ACSS1: variants seen among roughly 807,000 people sequenced by gnomAD.
ACSS1 encodes acetyl-coenzyme A synthetase 2-like, mitochondrial.
Under a neutral mutation model 75.3 loss-of-function variants are expected in ACSS1, and 42 were observed. The ratio of observed to expected loss-of-function variants is 0.56; its 90% CI spans 0.44 to 0.72. The LOEUF (loss-of-function observed/expected upper bound fraction) is 0.72, where lower values mean the gene tolerates loss of function less well. Ranked by LOEUF, ACSS1 falls within the 30% of genes least tolerant of loss-of-function variation. ACSS1 has a pLI of 0.00. For missense variants in ACSS1, 782 were observed against 935.7 expected, an observed-to-expected ratio of 0.84 and a Z score of 2.14; for synonymous variants, 380 against 376.8, an observed-to-expected ratio of 1.01 and a Z score of -0.10.
intron 2 of ACSS1, among the ~76,000 whole-genome samples, chr20:25,040,141 C>T (rs1208530399): frequency 1.3e-5 from 2 of 152,210 alleles, no homozygotes; most frequent in African/African-American, 2.4e-5. Flanking sequence ...CATTCACTTT[C>T]CCCTGTGGTT....
chr20:25,046,536 G>A (rs913423086), intron 2 of ACSS1: 17 of 479,058 alleles, frequency 3.5e-5, no homozygotes, highest in East Asian at 1.2e-4. Context: ...CTGGCCCTTC[G>A]GGGAGTGCCA....
rs1034106124 is a variant in ACSS1, at chr20:25,009,446, G to A, written c.1772-58C>T. The stretch of plus-strand genomic sequence containing the variant: ...AATACTAGACAAGGAGCCAACTCCC[G>A]AGGCAGGGTGCTATGCACAGACTGC... On this transcript the variant is annotated intron_variant, in intron 12 of 13. Transcript: ENST00000323482. 7 of 1,413,396 alleles carry A rather than the reference G, an allele frequency of 5.0e-6. No individual in the cohort carries two copies. The South Asian group carries it at 5.8e-5, about 12-fold the overall frequency. 87.6% of individuals were successfully genotyped at this position (1,413,396 alleles called of 1,614,324 possible).
At chr20:25,016,690 C>T (rs911797805) in intron 7 of ACSS1, among the ~76,000 whole-genome samples, 2 of 152,246 alleles carry the variant, frequency 1.3e-5, no homozygotes, top group Non-Finnish European at 2.9e-5. Flanking sequence ...GGAGATGCCC[C>T]GCAGCGCTGG....
rs759044380 is a variant in ACSS1, at chr20:25,013,563, C to A, written c.1552G>T (p.Val518Leu). The A allele has an allele frequency of 1.5e-5, 24 of 1,605,708 alleles. No homozygotes were observed. Among genetic ancestry groups the A allele is most frequent in the Non-Finnish European group, 2.0e-5 (24 of 1,173,190 alleles). ...GGGTAGGCCTTGAAGTAGGCGTCCACAAATCGCTGGTGGTCGCCATAGATG... is the reference window on the plus strand; with the variant it reads ...GGGTAGGCCTTGAAGTAGGCGTCCAAAAATCGCTGGTGGTCGCCATAGATG... The part of the protein sequence containing the change: ...RTIYGDHQRF[V>L]DAYFKAYPGY... The change falls in exon 10 of 14, where the codon GTG (valine) becomes TTG (leucine). Residue 518 changes from valine to leucine, a missense_variant. Val to Leu is a conservative substitution (Grantham distance 32). This residue lies in a region of ACSS1 where 405 missense variants were observed against 552.6 expected (regional missense o/e 0.73). Coordinates refer to ENST00000323482, the MANE Select transcript of ACSS1 (RefSeq NM_032501.4).
Position 25,014,025 on chromosome 20 carries a change from T to C in ACSS1, c.1388A>G (p.Glu463Gly). The change falls in exon 9 of 14, where the codon GAA (glutamate) becomes GGA (glycine). Residue 463 changes from glutamate (E) to glycine (G), a missense_variant. Transcript: ENST00000323482. ...CCTCATCGCCATGGCAGGGAGGATT[T>C]CCGCCCCTTCTTCCGAGGGCCGTGG... ...IAPRPSEEGA[E>G]ILPAMAMRPF... is the part of the protein sequence containing the mutation. The C allele has an allele frequency of 1.2e-6, 2 of 1,613,736 alleles. No individual in the cohort carries two copies. The highest frequency in any genetic ancestry group is 1.6e-4 in the Middle Eastern group (1 of 6,062).
rs190851026 is a variant in ACSS1 at position 25,057,935 on chromosome 20, G to A, written c.168C>T (p.Gly56=). Residue 56 remains glycine (G), a synonymous_variant, in exon 1 of 14, where the codon GGC becomes GGT. Transcript: ENST00000323482. ...PAVAAAAAQP[G]SYPALSAQAA... is the part of the protein sequence containing the mutation. ...CCTGTGCACTCAGCGCGGGATACGA[G>A]CCTGGCTGTGCTGCTGCTGCTGCAA... 2 of 1,607,064 alleles carry A rather than the reference G, an allele frequency of 1.2e-6. No homozygotes were observed. Among genetic ancestry groups the A allele is most frequent in the Non-Finnish European group, 1.7e-6 (2 of 1,177,248 alleles).
chr20:25,041,921 C>T (rs578147925), intron 2 of ACSS1, among the ~76,000 whole-genome samples: 46 of 152,280 alleles, frequency 3.0e-4, no homozygotes, highest in Admixed American at 6.5e-4. Flanking sequence ...GGAGGAAGGA[C>T]GCCAGACTCC....
In ACSS1 at chr20:25,006,714, A is replaced by G; in HGVS notation, c.*1048T>C. The G allele has an allele frequency of 8.5e-7, 1 of 1,173,670 alleles. No individual in the cohort carries two copies. Among genetic ancestry groups the G allele is most frequent in the Non-Finnish European group, 1.2e-6 (1 of 854,648 alleles). The allele number at this position is 1,173,670 out of a possible 1,614,324, so 72.7% of individuals were successfully genotyped here. A position where few individuals can be genotyped will look rare whatever the true frequency, so the allele number is the denominator to read the frequency against. ...GCGTCGTGATTTCCATTATCTTGCT[A>G]ATGTTGACAGCACCTAAGTCACATT... On this transcript the variant is annotated 3_prime_UTR_variant, in exon 14 of 14. Transcript: ENST00000323482.
intron 1 of ACSS1, among the ~76,000 whole-genome samples, chr20:25,054,750 A>G (rs2089220124): frequency 6.6e-6 from 1 of 152,236 alleles, no homozygotes; most frequent in Non-Finnish European, 1.5e-5. Context: ...CAAGTGTTAA[A>G]TAAAATGTAT....
In ACSS1 at chr20:25,006,454, C is replaced by A; in HGVS notation, c.*1308G>T. 5.0e-6 allele frequency: 1 copy of A among 199,720 alleles called. No individual in the cohort carries two copies. Among genetic ancestry groups the A allele is most frequent in the Non-Finnish European group, 1.0e-5 (1 of 96,638 alleles). The allele number at this position is 199,720 out of a possible 1,614,324, so 12.4% of individuals were successfully genotyped here. A position where few individuals can be genotyped will look rare whatever the true frequency, so the allele number is the denominator to read the frequency against. ...TATTTGTGTACCCTGCAGCCAACACCACCTCCTGGGCTTCACAGGTTCACT... is the reference window on the plus strand; with the variant it reads ...TATTTGTGTACCCTGCAGCCAACACAACCTCCTGGGCTTCACAGGTTCACT... On this transcript the variant is annotated 3_prime_UTR_variant, in exon 14 of 14. Transcript: ENST00000323482.
At chr20:25,047,566 G>A (rs1359920904) in intron 2 of ACSS1, among the ~76,000 whole-genome samples, 2 of 152,288 alleles carry the variant, frequency 1.3e-5, no homozygotes, top group African/African-American at 4.8e-5. Context: ...AATCACGCTC[G>A]ATGATTGTGT....
At chr20:25,027,269 A>T (rs982549606) in intron 3 of ACSS1, among the ~76,000 whole-genome samples, 1 of 152,232 alleles carries the variant, frequency 6.6e-6, no homozygotes. Flanking sequence ...ATTGAAGAGG[A>T]GATACTTTCA....
chr20:25,038,065 C>T (rs893505650), intron 2 of ACSS1, among the ~76,000 whole-genome samples: 4 of 152,200 alleles, frequency 2.6e-5, no homozygotes, highest in Admixed American at 1.3e-4. Context: ...TGAATGGTCC[C>T]CTGGGCCAAG....
chr20:25,018,052 C>T (rs2088551044), intron 7 of ACSS1, among the ~76,000 whole-genome samples: 1 of 152,242 alleles, frequency 6.6e-6, no homozygotes, highest in Non-Finnish European at 1.5e-5. Context: ...GAGAGACCAC[C>T]CAAACTCACC....
intron 1 of ACSS1, among the ~76,000 whole-genome samples, chr20:25,049,386 A>C (rs2089145634): frequency 6.6e-6 from 1 of 152,134 alleles, no homozygotes; most frequent in Admixed American, 6.5e-5. Context: ...TCTTAGGAGC[A>C]AAAAGAAGGA....
intron 2 of ACSS1, among the ~76,000 whole-genome samples, chr20:25,033,711 C>T (rs903250841): frequency 2.6e-5 from 4 of 152,312 alleles, no homozygotes; most frequent in African/African-American, 7.2e-5. Flanking sequence ...GAGGAAATGA[C>T]GGCACATGTG....
chr20:25,048,274 G>T, intron 1 of ACSS1, 93 bp from the exon 2 acceptor site: 1 of 1,041,732 alleles, frequency 9.6e-7, no homozygotes, highest in Non-Finnish European at 1.4e-6. Flanking sequence ...CTAGTTTGCT[G>T]TGGCTCTCTC....
At position 25,007,354 on chromosome 20, in the gene ACSS1, C is replaced by A. The variant is rs2088325933; in HGVS notation, c.*408G>T. The A allele has an allele frequency of 9.3e-7, 1 of 1,078,192 alleles. No homozygotes were observed. Among genetic ancestry groups the A allele is most frequent in the Non-Finnish European group, 1.1e-6 (1 of 888,614 alleles). The allele number at this position is 1,078,192 out of a possible 1,614,324, so 66.8% of individuals were successfully genotyped here. A position where few individuals can be genotyped will look rare whatever the true frequency, so the allele number is the denominator to read the frequency against. On this transcript the variant is annotated 3_prime_UTR_variant, in exon 14 of 14. Transcript: ENST00000323482. ...ATATAAAAGTATAAAAATAAGATTT[C>A]TGACCTTTGTATCTAGACAGATCTG...
intron 12 of ACSS1, chr20:25,010,923 C>A (rs528135080): frequency 2.6e-5 from 4 of 152,042 alleles, no homozygotes; most frequent in African/African-American, 9.7e-5. Context: ...AGAGCTGCTG[C>A]AAAACAGAGA....
Sources: allele counts gnomAD v4.1 joint callset (sites outside exome capture counted in the v4.1 genomes callset), GRCh38; gene constraint gnomAD v4.1.1; regional missense constraint gnomAD v4.1.1; transcripts MANE v1.5; gene names NCBI Gene and HGNC (gene_info 2026-07-23, HGNC 2026-07-21).